The following FAM184A variants were observed in gnomAD, a reference collection of about 807,000 sequenced individuals.
FAM184A encodes family with sequence similarity 184 member A.
Under a neutral mutation model 143.8 loss-of-function variants are expected in FAM184A, and 99 were observed. The ratio of observed to expected loss-of-function variants is 0.69; its 90% CI spans 0.58 to 0.81. The LOEUF is 0.81. Ranked by LOEUF, FAM184A falls within the 40% of genes least tolerant of loss-of-function variation. The pLI is 0.00. For synonymous variants in FAM184A, 427 were observed against 446.4 expected (o/e 0.96, Z 0.55); for missense variants, 1,217 against 1,310.5 (o/e 0.93, Z 1.10).
At chr6:118,980,863 T>C (rs559642157) in intron 9 of FAM184A, among the ~76,000 whole-genome samples, 1 of 152,222 alleles carries the variant, frequency 6.6e-6, no homozygotes, top group East Asian at 1.9e-4. Context: ...GACTCTGGCA[T>C]GTACTAAGCA....
At chr6:119,022,759 C>T (rs1327687139) in intron 3 of FAM184A, among the ~76,000 whole-genome samples, 186 bp downstream of exon 3, 1 of 152,104 alleles carries the variant, frequency 6.6e-6, no homozygotes, top group Non-Finnish European at 1.5e-5. Flanking sequence ...CACCTGTAGT[C>T]CCAGCTACTC....
rs66707302 is a variant in FAM184A at position 119,115,970 on chromosome 6, A to AACACACACACACACACACAC, written c.-202+33088_-202+33107dup. Among the ~76,000 whole-genome samples the AACACACACACACACACACAC allele has an allele frequency of 1.2e-3, 161 of 137,390 alleles. 2 individuals carry two copies. Among genetic ancestry groups the AACACACACACACACACACAC allele is most frequent in the Admixed American group, 1.9e-3 (27 of 13,974 alleles). 90.1% of individuals were successfully genotyped at this position (137,390 alleles called of 152,430 possible). On this transcript the variant is annotated intron_variant, in intron 1 of 16. Coordinates refer to the FAM184A transcript ENST00000352896. The stretch of plus-strand genomic sequence containing the variant: ...GGTGACAGAGAAAGACTCCGTCTCA[A>AACACACACACACACACACAC]ACACACACACACACACACACACACA...
Position 119,016,942 on chromosome 6 carries a change from T to C in FAM184A, c.1335A>G (p.Lys445=), listed in dbSNP as rs769191253. The change falls in exon 5 of 18, where the codon AAA becomes AAG. Residue 445 remains lysine, a splice_region_variant and synonymous_variant. Transcript: ENST00000338891. Reference sequence around the variant, plus strand: ...GCTGAGTTCTCTTTGCTTCATTTACTTTCTAAAATTAAAACAAAGATCAAT... The same window carrying C: ...GCTGAGTTCTCTTTGCTTCATTTACCTTCTAAAATTAAAACAAAGATCAAT... ...QKQQILELEK[K]VNEAKRTQQE... is the part of the protein sequence containing the mutation. 6.3e-7 allele frequency: 1 copy of C among 1,595,710 alleles called. No individual in the cohort carries two copies. The highest frequency in any genetic ancestry group is 8.5e-7 in the Non-Finnish European group (1 of 1,171,582).
chr6:119,120,815 T>TCTTTCTTC (rs1789189906), intron 1 of FAM184A, among the ~76,000 whole-genome samples: 2 of 147,742 alleles, frequency 1.4e-5, no homozygotes, highest in African/African-American at 5.1e-5. Context: ...TCTCTTTCTT[T>TCTTTCTTC]CTTTCTTTCT....
intron 1 of FAM184A, among the ~76,000 whole-genome samples, chr6:119,106,277 A>G (rs777096884): frequency 1.1e-3 from 159 of 149,230 alleles, no homozygotes; most frequent in Admixed American, 1.6e-3. Flanking sequence ...CTGTAGCCCC[A>G]GCTACTCAGG....
At chr6:119,032,592 G>A (rs1245370621) in intron 1 of FAM184A, among the ~76,000 whole-genome samples, 4 of 130,020 alleles carry the variant, frequency 3.1e-5, no homozygotes, top group African/African-American at 5.7e-5. Flanking sequence ...AGGAGGAGAA[G>A]AGCAGGAGAA....
At chr6:118,995,316 C>G (rs866973400) in intron 9 of FAM184A, among the ~76,000 whole-genome samples, 2 of 152,002 alleles carry the variant, frequency 1.3e-5, no homozygotes, top group Admixed American at 1.3e-4. Flanking sequence ...ACTTGGGAGG[C>G]TGAGAAGTGG....
Position 119,022,817 on chromosome 6 carries a change from C to T in FAM184A, c.1150+128G>A. On this transcript the variant is annotated intron_variant, in intron 3 of 17. Transcript: ENST00000338891. ...GCTTGAACCCAGGAGGCAGAGGTTG[C>T]AATGAGCCGAGATTGAGCCACTGCA... 5.7e-6 allele frequency: 6 copies of T among 1,060,958 alleles called. No homozygotes were observed. The South Asian group carries it at 7.9e-5, about 14-fold the overall frequency. 65.7% of individuals were successfully genotyped at this position (1,060,958 alleles called of 1,614,324 possible).
At chr6:119,022,870 C>G in intron 3 of FAM184A, 75 bp downstream of exon 3, 1 of 1,579,244 alleles carries the variant, frequency 6.3e-7, no homozygotes, top group Non-Finnish European at 8.7e-7. Flanking sequence ...GAGCAAGACT[C>G]TGTCTCCAAA....
intron 1 of FAM184A, among the ~76,000 whole-genome samples, chr6:119,053,646 TA>T (rs889431330): frequency 1.3e-5 from 2 of 152,152 alleles, no homozygotes; most frequent in African/African-American, 4.8e-5. Flanking sequence ...AGTGGCCCTT[TA>T]AAAAGACTAC....
intron 1 of FAM184A, among the ~76,000 whole-genome samples, chr6:119,090,900 G>A (rs1788346878): frequency 2.0e-5 from 3 of 152,116 alleles, no homozygotes; most frequent in Admixed American, 6.5e-5. Context: ...CTTTTGCCAG[G>A]TATGAAAGAG....
intron 1 of FAM184A, among the ~76,000 whole-genome samples, chr6:119,146,382 T>C (rs149350538): frequency 1.3e-5 from 2 of 148,848 alleles, no homozygotes; most frequent in Admixed American, 1.4e-4. Flanking sequence ...TTCAGTGCCT[T>C]TCCCGATTAA....
At chr6:119,115,230 CA>C (rs1437624756) in intron 1 of FAM184A, among the ~76,000 whole-genome samples, 27 of 152,052 alleles carry the variant, frequency 1.8e-4, no homozygotes, top group Non-Finnish European at 8.8e-5. Flanking sequence ...TTTCATATTC[CA>C]ACAATATTTA....
At chr6:119,074,117 T>G (rs1234632629) in intron 1 of FAM184A, among the ~76,000 whole-genome samples, 1 of 152,126 alleles carries the variant, frequency 6.6e-6, no homozygotes, top group Non-Finnish European at 1.5e-5. Flanking sequence ...AGAATAAGCT[T>G]TAAACATCTG....
At chr6:119,045,364 T>C (rs1055155785) in intron 1 of FAM184A, among the ~76,000 whole-genome samples, 5 of 151,822 alleles carry the variant, frequency 3.3e-5, no homozygotes, top group Admixed American at 2.6e-4. Flanking sequence ...AGCTAGACTC[T>C]TCTTTTAAAC....
chr6:118,964,804 AT>A (rs1162551539), intron 15 of FAM184A, 33 bp from the exon 16 acceptor site: 9 of 1,140,588 alleles, frequency 7.9e-6, no homozygotes, highest in Admixed American at 2.0e-5. Flanking sequence ...TCTTTTAAAT[AT>A]TTTCTATGGA....
At chr6:118,975,860 A>G in intron 12 of FAM184A, 57 bp downstream of exon 12, 1 of 1,511,406 alleles carries the variant, frequency 6.6e-7, no homozygotes, top group South Asian at 1.2e-5. Context: ...GGAAATTATG[A>G]ACATTCAATC....
chr6:119,003,157 T>A, intron 8 of FAM184A, 108 bp from the exon 9 acceptor site: 1 of 1,012,410 alleles, frequency 9.9e-7, no homozygotes, highest in Non-Finnish European at 1.4e-6. Flanking sequence ...TTCAAAAGTC[T>A]ATGATGCTGA....
At chr6:119,133,301 A>T (rs1262500690) in intron 1 of FAM184A, among the ~76,000 whole-genome samples, 1 of 152,156 alleles carries the variant, frequency 6.6e-6, no homozygotes, top group Non-Finnish European at 1.5e-5. Context: ...CTAGTTTATT[A>T]TAAATTATAT....
Sources: allele counts gnomAD v4.1 joint callset (sites outside exome capture counted in the v4.1 genomes callset), GRCh38; gene constraint gnomAD v4.1.1; transcripts MANE v1.5; gene names NCBI Gene and HGNC (gene_info 2026-07-23, HGNC 2026-07-21).